The following ALDH1L1 variants were observed in gnomAD, a reference collection of about 807,000 sequenced individuals.
The protein encoded by ALDH1L1 is aldehyde dehydrogenase 1 family member L1, also known as cytosolic 10-formyltetrahydrofolate dehydrogenase.
A neutral mutation model predicts 101.1 loss-of-function variants in ALDH1L1; 68 were observed. The ratio of observed to expected loss-of-function variants is 0.67; its 90% CI spans 0.55 to 0.82. The LOEUF (loss-of-function observed/expected upper bound fraction) is 0.82. ALDH1L1 is among the 40% of genes least tolerant of loss of function. The pLI is 0.00. For synonymous variants in ALDH1L1, 486 were observed against 470.8 expected, an observed-to-expected ratio of 1.03 and a Z score of -0.42; for missense variants, 1,087 against 1,172.7, an observed-to-expected ratio of 0.93 and a Z score of 1.07.
chr3:126,114,604 G>A lies in ALDH1L1; in HGVS notation c.2035C>T (p.Pro679Ser), dbSNP rs1946178434. The change falls in exon 18 of 23, where the codon CCC (proline) becomes TCC (serine). Residue 679 changes from proline to serine, a missense_variant. By Grantham distance (74) the Pro-to-Ser change is moderately conservative. Coordinates refer to ENST00000393434, the MANE Select transcript of ALDH1L1 (RefSeq NM_012190.4). ...TCACAGTCAGCAAAGATGATGAGGGGTGACTTCCCGCCCAGTTCCAGGGAC... is the reference window on the plus strand; with the variant it reads ...TCACAGTCAGCAAAGATGATGAGGGATGACTTCCCGCCCAGTTCCAGGGAC... ...KVSLELGGKS[P>S]LIIFADCDLN... 3.3e-6 allele frequency: 5 copies of A among 1,512,402 alleles called. No individual in the cohort carries two copies. The African/African-American group carries it at 4.2e-5, about 13-fold the overall frequency. 93.7% of individuals were successfully genotyped at this position (1,512,402 alleles called of 1,614,324 possible). A position where few individuals can be genotyped will look rare whatever the true frequency, so the allele number is the denominator to read the frequency against.
At chr3:126,103,914 T>C in intron 22 of ALDH1L1, 68 bp from the exon 23 acceptor site, 1 of 1,561,312 alleles carries the variant, frequency 6.4e-7, no homozygotes, top group Non-Finnish European at 8.7e-7. Flanking sequence ...GCTGCAAGTG[T>C]CTTATTCCTC....
At chr3:126,144,729 T>G (rs1338102727) in intron 9 of ALDH1L1, among the ~76,000 whole-genome samples, 1 of 152,156 alleles carries the variant, frequency 6.6e-6, no homozygotes, top group African/African-American at 2.4e-5. Flanking sequence ...AACTTAAGAC[T>G]TAAAACTATA....
intron 17 of ALDH1L1, among the ~76,000 whole-genome samples, chr3:126,116,510 T>A (rs1008337182): frequency 6.6e-6 from 1 of 152,190 alleles, no homozygotes; most frequent in Non-Finnish European, 1.5e-5. Context: ...AGCTGACATT[T>A]CCTGAGCCCT....
In ALDH1L1 at chr3:126,124,449, C is replaced by T. The variant is rs780301951; in HGVS notation, c.1803G>A (p.Val601=). 3 of 1,609,648 alleles carry T rather than the reference C, an allele frequency of 1.9e-6. No individual in the cohort carries two copies. The highest frequency in any genetic ancestry group is 1.3e-5 in the African/African-American group (1 of 74,634). ...GNTVVIKPAQ[V]TPLTALKFAE... is the part of the protein sequence containing the mutation. ...CAAACTTCAAGGCTGTGAGTGGGGT[C>T]ACCTGGGTGTGGGGCCAGGAAAGGA... is the stretch of plus-strand genomic sequence containing the variant. Residue 601 remains valine (V), a splice_region_variant and synonymous_variant, in exon 16 of 23, where the codon GTG becomes GTA. Transcript: ENST00000393434.
intron 1 of ALDH1L1, among the ~76,000 whole-genome samples, chr3:126,189,900 T>G (rs1321405560): frequency 1.3e-5 from 2 of 152,222 alleles, no homozygotes; most frequent in African/African-American, 4.8e-5. Context: ...TTGATTCAGT[T>G]GTCAATTTCA....
Position 126,109,936 on chromosome 3 carries a change from T to G in ALDH1L1, c.2347+8A>C, listed in dbSNP as rs769694739. The G allele has an allele frequency of 3.7e-6, 6 of 1,613,490 alleles. No individual in the cohort carries two copies. Among genetic ancestry groups the G allele is most frequent in the Non-Finnish European group, 8.5e-7 (1 of 1,179,876 alleles). On this transcript the variant is annotated splice_region_variant and intron_variant, in intron 20 of 22. Transcript: ENST00000393434. ...TGACCCAAGCGGACCTGACACACTC[T>G]GACTCACCTGGCCGAGGGACCTGAT...
At chr3:126,156,914 C>T (rs1444009614) in intron 4 of ALDH1L1, among the ~76,000 whole-genome samples, 2 of 152,198 alleles carry the variant, frequency 1.3e-5, no homozygotes, top group African/African-American at 4.8e-5. Flanking sequence ...TAGTGGCTAT[C>T]TTTCCTCTAA....
At chr3:126,155,798 C>G (rs925597587) in intron 4 of ALDH1L1, 1 of 246,264 alleles carries the variant, frequency 4.1e-6, no homozygotes, top group African/African-American at 2.3e-5. Context: ...AGGTATAACA[C>G]AGACACAAAT....
intron 21 of ALDH1L1, among the ~76,000 whole-genome samples, chr3:126,106,167 C>T (rs1300364941): frequency 6.6e-6 from 1 of 152,196 alleles, no homozygotes; most frequent in Non-Finnish European, 1.5e-5. Flanking sequence ...CCCTTTATTC[C>T]ACAGACTGGG....
intron 16 of ALDH1L1, 144 bp from the exon 17 acceptor site, chr3:126,118,242 G>A (rs2080014306): frequency 1.5e-6 from 1 of 675,868 alleles, no homozygotes; most frequent in Non-Finnish European, 2.6e-6. Context: ...GGTGCCTGGG[G>A]CTCATGGAGC....
At chr3:126,149,148 CAA>C (rs375988141) in intron 8 of ALDH1L1, among the ~76,000 whole-genome samples, 210 of 152,352 alleles carry the variant, frequency 1.4e-3, no homozygotes, top group African/African-American at 4.9e-3. Flanking sequence ...CTCTGTTCTC[CAA>C]ACTCATTTTC....
At chr3:126,167,570 C>T (rs2081194361) in intron 1 of ALDH1L1, among the ~76,000 whole-genome samples, 3 of 152,044 alleles carry the variant, frequency 2.0e-5, no homozygotes, top group South Asian at 4.2e-4. Flanking sequence ...ATCTCAGTTC[C>T]CACCAGCAAA....
intron 15 of ALDH1L1, 82 bp downstream of exon 15, chr3:126,125,533 GC>G: frequency 1.8e-6 from 2 of 1,133,222 alleles, no homozygotes; most frequent in Non-Finnish European, 1.2e-6. Flanking sequence ...GCCAAGAGAG[GC>G]CCTTCCCTTC....
chr3:126,150,436 C>A lies in ALDH1L1; in HGVS notation c.954G>T (p.Glu318Asp). 6.4e-7 allele frequency: 1 copy of A among 1,551,614 alleles called. No individual in the cohort carries two copies. The highest frequency in any genetic ancestry group is 8.7e-7 in the Non-Finnish European group (1 of 1,146,940). ...CAGCCTCCGCAGTAACCAGCTCTGC[C>A]TCTGTCAGCTCAAGGACACTGCTGG... ...GAASSVLELT[E>D]AELVTAEAVR... Residue 318 changes from glutamate to aspartate, a missense_variant, in exon 8 of 23, where the codon GAG becomes GAT. Physicochemically the swap from Glu to Asp is conservative, Grantham distance 45. Coordinates refer to ENST00000393434, the MANE Select transcript of ALDH1L1 (RefSeq NM_012190.4).
intron 18 of ALDH1L1, among the ~76,000 whole-genome samples, chr3:126,114,267 C>T (rs969599671): frequency 4.6e-5 from 7 of 152,136 alleles, no homozygotes; most frequent in African/African-American, 1.4e-4. Flanking sequence ...GGAGCTGTGG[C>T]GTGTGTTTCC....
chr3:126,161,564 T>G (rs1479388632), intron 1 of ALDH1L1, among the ~76,000 whole-genome samples: 1 of 152,186 alleles, frequency 6.6e-6, no homozygotes, highest in East Asian at 1.9e-4. Flanking sequence ...GAAAGTGGAA[T>G]GGGATTCCAC....
rs1318990286 is a variant in ALDH1L1 at position 126,124,411 on chromosome 3, A to G, written c.1841T>C (p.Leu614Ser). 1 of 1,612,330 alleles carries G rather than the reference A, an allele frequency of 6.2e-7. No homozygotes were observed. Among genetic ancestry groups the G allele is most frequent in the Non-Finnish European group, 8.5e-7 (1 of 1,179,318 alleles). The part of the protein sequence containing the change: ...LTALKFAELT[L>S]KAGIPKGVVN... ...CACACCTTTGGGAATGCCGGCCTTT[A>G]ATGTCAGCTCTGCAAACTTCAAGGC... The change falls in exon 16 of 23, where the codon TTA becomes TCA. Residue 614 changes from leucine to serine, a missense_variant. Leu to Ser is a moderately radical substitution (Grantham distance 145). Coordinates refer to ENST00000393434, the MANE Select transcript of ALDH1L1 (RefSeq NM_012190.4).
chr3:126,137,012 C>T, intron 10 of ALDH1L1, 129 bp from the exon 11 acceptor site: 3 of 1,340,132 alleles, frequency 2.2e-6, no homozygotes, highest in South Asian at 1.5e-5. Context: ...ATGTAGGCAA[C>T]AGCTGAGCAG....
At chr3:126,188,072 T>C (rs189514690) in intron 1 of ALDH1L1, among the ~76,000 whole-genome samples, 17 of 152,258 alleles carry the variant, frequency 1.1e-4, no homozygotes, top group African/African-American at 4.1e-4. Flanking sequence ...ACAACTTAAT[T>C]GGTTGCAGCT....
Sources: gnomAD v4.1 joint callset for allele counts (sites outside exome capture counted in the v4.1 genomes callset) on GRCh38, gnomAD v4.1.1 for gene constraint, MANE v1.5 for transcripts, NCBI Gene and HGNC (gene_info 2026-07-23, HGNC 2026-07-21) for gene names.